Variants in MACROD2 observed in about 807,000 individuals in gnomAD.
MACROD2 encodes the protein mono-ADP ribosylhydrolase 2.
A neutral mutation model predicts 70.4 loss-of-function variants in MACROD2; 36 were observed. The observed-to-expected ratio is 0.51, with a 90% CI of 0.39 to 0.68. The LOEUF (loss-of-function observed/expected upper bound fraction) is 0.68, where lower values mean the gene tolerates loss of function less well. MACROD2 is among the 30% of genes least tolerant of loss of function. MACROD2 has a pLI of 0.00. For synonymous variants in MACROD2, 172 were observed against 178.8 expected (o/e 0.96, Z 0.30); for missense variants, 496 against 538.4 (o/e 0.92, Z 0.78).
chr20:15,297,594 A>G (rs547177770), intron 6 of MACROD2, among the ~76,000 whole-genome samples: 1 of 152,218 alleles, frequency 6.6e-6, no homozygotes, highest in South Asian at 2.1e-4. Flanking sequence ...CATTCTCTCT[A>G]TTCATTCTCC....
At chr20:15,345,655 G>A (rs992735232) in intron 6 of MACROD2, among the ~76,000 whole-genome samples, 12 of 152,318 alleles carry the variant, frequency 7.9e-5, no homozygotes, top group African/African-American at 2.9e-4. Flanking sequence ...TGTGGCTAAC[G>A]CGACTGAGGA....
At chr20:15,913,280 G>C (rs745841729) in intron 10 of MACROD2, among the ~76,000 whole-genome samples, 5 of 151,990 alleles carry the variant, frequency 3.3e-5, no homozygotes, top group Non-Finnish European at 5.9e-5. Context: ...ATTCAAACTG[G>C]CTCTGTCCAA....
At chr20:15,123,231 T>G (rs1296279905) in intron 5 of MACROD2, among the ~76,000 whole-genome samples, 1 of 152,136 alleles carries the variant, frequency 6.6e-6, no homozygotes, top group African/African-American at 2.4e-5. Context: ...AGCTGTAGGC[T>G]GCCATCTTGG....
intron 5 of MACROD2, among the ~76,000 whole-genome samples, chr20:14,845,100 T>C (rs2073126008): frequency 6.6e-6 from 1 of 152,080 alleles, no homozygotes; most frequent in Non-Finnish European, 1.5e-5. Flanking sequence ...AGCAACCTCT[T>C]TCTCTCTCAT....
intron 5 of MACROD2, among the ~76,000 whole-genome samples, chr20:15,043,541 G>T (rs1215914360): frequency 6.6e-6 from 1 of 152,146 alleles, no homozygotes; most frequent in Non-Finnish European, 1.5e-5. Flanking sequence ...TTGAAAGATT[G>T]TCTTGGGCCC....
chr20:15,120,335 A>G (rs1180724349), intron 5 of MACROD2, among the ~76,000 whole-genome samples: 2 of 152,054 alleles, frequency 1.3e-5, no homozygotes, highest in Non-Finnish European at 2.9e-5. Flanking sequence ...CTTTCATGGG[A>G]GTTCTGATGT....
intron 3 of MACROD2, among the ~76,000 whole-genome samples, chr20:14,264,451 C>T (rs2082126340): frequency 6.6e-6 from 1 of 152,092 alleles, no homozygotes; most frequent in South Asian, 2.1e-4. Context: ...GAGCTATTGA[C>T]ATGGGTGTTG....
chr20:15,787,486 C>T (rs138206923), intron 8 of MACROD2, among the ~76,000 whole-genome samples: 1,845 of 152,046 alleles, frequency 0.012, 43 homozygotes, highest in African/African-American at 0.043. Flanking sequence ...GTAGGAGTCC[C>T]CCGTGGCTGT....
At chr20:14,584,238 G>A (rs1600416164) in intron 4 of MACROD2, among the ~76,000 whole-genome samples, 1 of 152,066 alleles carries the variant, frequency 6.6e-6, no homozygotes, top group South Asian at 2.1e-4. Flanking sequence ...AGGGCATGCC[G>A]AGATAACTGA....
At chr20:15,832,954 C>T (rs921195002) in intron 8 of MACROD2, among the ~76,000 whole-genome samples, 2 of 152,234 alleles carry the variant, frequency 1.3e-5, no homozygotes, top group African/African-American at 2.4e-5. Flanking sequence ...CTTTCCCCTT[C>T]TCTGATTGTT....
chr20:14,109,262 A>G (rs929330832), intron 3 of MACROD2, among the ~76,000 whole-genome samples: 2 of 152,004 alleles, frequency 1.3e-5, no homozygotes, highest in Non-Finnish European at 2.9e-5. Context: ...GGGTATAAAG[A>G]AAGGGAAATT....
rs368761457 is a variant in MACROD2, at chr20:15,041,695, C to T, written c.419-188245C>T. Among the ~76,000 whole-genome samples, 25 of 152,254 alleles carry T rather than the reference C, an allele frequency of 1.6e-4. No individual in the cohort carries two copies. The South Asian group carries it at 1.9e-3, about 11-fold the overall frequency. On this transcript the variant is annotated intron_variant, in intron 5 of 17. Coordinates refer to ENST00000684519, the MANE Select transcript of MACROD2 (RefSeq NM_001351661.2). Reference sequence around the variant, plus strand: ...CTGGGCTCAAGTGATCCTCCTGCCTCGGCCTCCCAAAGTGCTGGGATTACA... The same window carrying T: ...CTGGGCTCAAGTGATCCTCCTGCCTTGGCCTCCCAAAGTGCTGGGATTACA...
At chr20:14,549,789 TAG>T (rs1294994109) in intron 4 of MACROD2, among the ~76,000 whole-genome samples, 2 of 152,186 alleles carry the variant, frequency 1.3e-5, no homozygotes, top group Non-Finnish European at 2.9e-5. Context: ...ACTCAAATCT[TAG>T]AGTCATTCAA....
chr20:14,949,396 A>G (rs545970529), intron 5 of MACROD2, among the ~76,000 whole-genome samples: 1 of 152,290 alleles, frequency 6.6e-6, no homozygotes, highest in Admixed American at 6.5e-5. Flanking sequence ...CTGAAGAACA[A>G]ATTCTCCCCT....
chr20:15,449,889 A>T (rs1316772888), intron 7 of MACROD2, among the ~76,000 whole-genome samples: 1 of 152,154 alleles, frequency 6.6e-6, no homozygotes, highest in East Asian at 1.9e-4. Context: ...GCTACTCAGG[A>T]GGCTGAGGCA....
At chr20:15,221,612 A>G (rs1274725481) in intron 5 of MACROD2, among the ~76,000 whole-genome samples, 9 of 152,352 alleles carry the variant, frequency 5.9e-5, no homozygotes, top group East Asian at 1.9e-4. Flanking sequence ...AGTCCCATCA[A>G]CAAGGTCAGT....
intron 3 of MACROD2, among the ~76,000 whole-genome samples, chr20:14,114,531 A>C (rs556087136): frequency 1.3e-5 from 2 of 152,194 alleles, no homozygotes; most frequent in East Asian, 3.9e-4. Context: ...TAGCTCTGAG[A>C]GGGTGATAGG....
At chr20:15,488,360 G>T (rs1417857184) in intron 7 of MACROD2, among the ~76,000 whole-genome samples, 3 of 152,166 alleles carry the variant, frequency 2.0e-5, no homozygotes, top group African/African-American at 7.2e-5. Context: ...CCCAAATGTG[G>T]CATGACACCA....
At chr20:14,663,519 T>C (rs570507267) in intron 4 of MACROD2, among the ~76,000 whole-genome samples, 2,384 of 141,614 alleles carry the variant, frequency 0.017, 135 homozygotes, top group African/African-American at 0.035. Flanking sequence ...CAGGGATGTA[T>C]ACACACACAC....
Sources: gnomAD v4.1 joint callset for allele counts (sites outside exome capture counted in the v4.1 genomes callset) on GRCh38, gnomAD v4.1.1 for gene constraint, MANE v1.5 for transcripts, NCBI Gene and HGNC (gene_info 2026-07-23, HGNC 2026-07-21) for gene names.